The following ZFHX3 variants were observed in gnomAD, a reference collection of about 807,000 sequenced individuals.
ZFHX3 encodes zinc finger homeobox protein 3.
In ZFHX3, 42 loss-of-function variants were observed where a neutral mutation model predicts 279.1. The ratio of observed to expected loss-of-function variants is 0.15; its 90% CI spans 0.12 to 0.19. The LOEUF (loss-of-function observed/expected upper bound fraction) is 0.19, where lower values mean the gene tolerates loss of function less well. Ranked by LOEUF, ZFHX3 falls within the 10% of genes least tolerant of loss-of-function variation. The probability of loss-of-function intolerance (pLI) is 1.00; values close to 1 mark genes in which losing one functional copy is unlikely to be tolerated. For synonymous variants in ZFHX3, 2,293 were observed against 1,957.8 expected (o/e 1.17, Z -4.52); for missense variants, 4,981 against 4,754.0 (o/e 1.05, Z -1.40).
At chr16:73,820,481 T>C (rs941386351) in intron 1 of ZFHX3, among the ~76,000 whole-genome samples, 1 of 152,072 alleles carries the variant, frequency 6.6e-6, no homozygotes, top group African/African-American at 2.4e-5. Context: ...AGATTCACAG[T>C]TTACAGGGAG....
At chr16:73,436,490 T>A (rs576962884) in intron 3 of ZFHX3, among the ~76,000 whole-genome samples, 22 of 152,244 alleles carry the variant, frequency 1.4e-4, no homozygotes, top group Admixed American at 1.3e-4. Context: ...GACATATTCA[T>A]TACCAGGAGA....
intron 3 of ZFHX3, among the ~76,000 whole-genome samples, chr16:73,371,700 T>C (rs1567463841): frequency 6.6e-6 from 1 of 152,188 alleles, no homozygotes; most frequent in East Asian, 1.9e-4. Flanking sequence ...TCCTTTATCA[T>C]GCTTCCTTTA....
intron 1 of ZFHX3, among the ~76,000 whole-genome samples, chr16:73,811,491 G>A (rs549590868): frequency 6.1e-5 from 9 of 146,952 alleles, no homozygotes; most frequent in South Asian, 4.3e-4. Flanking sequence ...TCATCTAGGC[G>A]GGAGTGGCAG....
At chr16:73,806,530 T>A (rs1440914713) in intron 1 of ZFHX3, among the ~76,000 whole-genome samples, 1 of 151,432 alleles carries the variant, frequency 6.6e-6, no homozygotes, top group Non-Finnish European at 1.5e-5. Context: ...AGTCAGGTGT[T>A]CCCAAGAAGG....
At chr16:73,038,487 C>T (rs1964992874) in intron 1 of ZFHX3, among the ~76,000 whole-genome samples, 1 of 152,202 alleles carries the variant, frequency 6.6e-6, no homozygotes, top group Non-Finnish European at 1.5e-5. Context: ...CTAAGCCATC[C>T]AATATGACGG....
chr16:73,439,875 G>A (rs1348112137), intron 3 of ZFHX3, among the ~76,000 whole-genome samples: 1 of 128,240 alleles, frequency 7.8e-6, no homozygotes, highest in African/African-American at 3.0e-5. Flanking sequence ...GCCCCTGGCA[G>A]CTGACTGTCA....
intron 1 of ZFHX3, among the ~76,000 whole-genome samples, chr16:73,771,591 T>C (rs1337527025): frequency 7.2e-5 from 11 of 152,148 alleles, no homozygotes; most frequent in Non-Finnish European, 4.4e-5. Flanking sequence ...CAAAGGCAGA[T>C]TCTGGCTCTA....
chr16:72,957,957 A>G lies in ZFHX3; in HGVS notation c.2189T>C (p.Val730Ala). The stretch of plus-strand genomic sequence containing the variant: ...TTTGGTAGTTGTGGAGTAGTTACAC[A>G]CCTCGCAGCGGAAAGGCTTGTAACC... ...TCGYKPFRCEVCNYSTTTKGN... is the reference protein window; with the variant it reads ...TCGYKPFRCEACNYSTTTKGN... The change falls in exon 2 of 10, where the codon GTG becomes GCG. Residue 730 changes from valine (V) to alanine (A), a missense_variant. Coordinates refer to ENST00000268489, the MANE Select transcript of ZFHX3 (RefSeq NM_006885.4). 6.2e-7 allele frequency: 1 copy of G among 1,614,034 alleles called. No individual in the cohort carries two copies. Among genetic ancestry groups the G allele is most frequent in the African/African-American group, 1.3e-5 (1 of 74,992 alleles).
chr16:72,804,881 T>G (rs1341302712), intron 7 of ZFHX3, among the ~76,000 whole-genome samples: 1 of 152,190 alleles, frequency 6.6e-6, no homozygotes, highest in Admixed American at 6.5e-5. Flanking sequence ...TCATGCCAAT[T>G]CATCTCTTGA....
chr16:73,372,579 T>G lies in ZFHX3; in HGVS notation c.-1290-54243A>C, dbSNP rs577366720. Reference sequence around the variant, plus strand: ...TTATTCCTTGCATCCTGTAATGAAGTTGTTGTTTAATTAGAATGACAACTT... The same window carrying G: ...TTATTCCTTGCATCCTGTAATGAAGGTGTTGTTTAATTAGAATGACAACTT... On this transcript the variant is annotated intron_variant, in intron 3 of 17. Transcript: ENST00000641206. 1.9e-3 allele frequency among the ~76,000 whole-genome samples: 285 copies of G among 152,338 alleles called. 1 individual carries two copies. The highest frequency in any genetic ancestry group is 0.014 in the South Asian group (66 of 4,828).
At chr16:73,361,271 G>A (rs567992017) in intron 3 of ZFHX3, among the ~76,000 whole-genome samples, 30 of 152,354 alleles carry the variant, frequency 2.0e-4, no homozygotes, top group Admixed American at 3.3e-4. Flanking sequence ...TGCTTTGGCC[G>A]ATGAGACGGT....
chr16:73,000,584 C>T (rs1963455668), intron 1 of ZFHX3, among the ~76,000 whole-genome samples: 2 of 152,184 alleles, frequency 1.3e-5, no homozygotes, highest in Non-Finnish European at 2.9e-5. Flanking sequence ...GGAAGCTTTT[C>T]TGTCTCGACC....
chr16:73,817,381 G>A (rs182364420), intron 1 of ZFHX3, among the ~76,000 whole-genome samples: 1 of 152,258 alleles, frequency 6.6e-6, no homozygotes, highest in Admixed American at 6.5e-5. Flanking sequence ...AGTTGCTCTG[G>A]CAGGTCAATA....
At chr16:73,772,959 A>G (rs754679343) in intron 1 of ZFHX3, among the ~76,000 whole-genome samples, 5 of 152,196 alleles carry the variant, frequency 3.3e-5, no homozygotes, top group Non-Finnish European at 5.9e-5. Flanking sequence ...ACTCAGAAGC[A>G]TTTGTTTTTG....
intron 5 of ZFHX3, among the ~76,000 whole-genome samples, chr16:73,172,869 T>C (rs979064583): frequency 6.7e-6 from 1 of 149,884 alleles, no homozygotes. Context: ...TCTTCAGCTG[T>C]GGCCTGGCGG....
intron 1 of ZFHX3, among the ~76,000 whole-genome samples, chr16:73,838,802 G>A (rs140924984): frequency 5.1e-4 from 77 of 151,868 alleles, no homozygotes; most frequent in African/African-American, 1.7e-3. Context: ...GTGCGCGCAC[G>A]CATGTATGGT....
Position 73,047,918 on chromosome 16 carries a change from T to A in ZFHX3, c.-216A>T, listed in dbSNP as rs1567649983. 6.6e-6 allele frequency: 1 copy of A among 152,060 alleles called. No individual in the cohort carries two copies. Among genetic ancestry groups the A allele is most frequent in the Non-Finnish European group, 1.5e-5 (1 of 68,080 alleles). 9.4% of individuals were successfully genotyped at this position (152,060 alleles called of 1,614,324 possible). A position where few individuals can be genotyped will look rare whatever the true frequency, so the allele number is the denominator to read the frequency against. On this transcript the variant is annotated 5_prime_UTR_variant, in exon 1 of 10. Transcript: ENST00000268489. ...TCCCGCTGGCCCCAGGACTCGGAGG[T>A]GGCTCTGGTCAGGAGCAGGGGGCCC...
At chr16:73,648,521 C>T (rs1268855714) in intron 2 of ZFHX3, among the ~76,000 whole-genome samples, 1 of 152,202 alleles carries the variant, frequency 6.6e-6, no homozygotes, top group African/African-American at 2.4e-5. Flanking sequence ...TCCTGAGTAC[C>T]TGGGATTACA....
chr16:73,247,732 A>T (rs2013339742), intron 5 of ZFHX3, among the ~76,000 whole-genome samples: 1 of 151,284 alleles, frequency 6.6e-6, no homozygotes, highest in South Asian at 2.1e-4. Flanking sequence ...CTGTGTGTCT[A>T]TGTGCCTGTA....
Sources: gnomAD v4.1 joint callset for allele counts (sites outside exome capture counted in the v4.1 genomes callset) on GRCh38, gnomAD v4.1.1 for gene constraint, MANE v1.5 for transcripts, NCBI Gene and HGNC (gene_info 2026-07-23, HGNC 2026-07-21) for gene names.